Variants in ATP8B4 observed in about 807,000 individuals in gnomAD.
ATP8B4 encodes the protein probable phospholipid-transporting ATPase IM.
ATP8B4 carries 133 observed loss-of-function variants against 145.6 expected under a neutral mutation model. The observed-to-expected ratio is 0.91, with a 90% CI of 0.79 to 1.05. ATP8B4 has a LOEUF of 1.05. Ranked by LOEUF, ATP8B4 falls within the 50% of genes least tolerant of loss-of-function variation. The pLI is 0.00. For missense variants in ATP8B4, 1,458 were observed against 1,425.2 expected (o/e 1.02, Z -0.37); for synonymous variants, 507 against 492.9 (o/e 1.03, Z -0.38).
intron 6 of ATP8B4, among the ~76,000 whole-genome samples, chr15:50,014,386 A>T (rs7182041): frequency 6.6e-6 from 1 of 151,908 alleles, no homozygotes; most frequent in Non-Finnish European, 1.5e-5. Flanking sequence ...GCAGGCACTC[A>T]GTAAGTATGC....
chr15:49,878,333 G>A (rs1303795830), intron 24 of ATP8B4, among the ~76,000 whole-genome samples: 3 of 152,066 alleles, frequency 2.0e-5, no homozygotes, highest in Admixed American at 1.3e-4. Flanking sequence ...TATGCCTTTC[G>A]CAAACTGCCC....
chr15:50,012,288 A>G (rs1216031284), intron 6 of ATP8B4, among the ~76,000 whole-genome samples: 1 of 152,204 alleles, frequency 6.6e-6, no homozygotes, highest in Non-Finnish European at 1.5e-5. Context: ...AAAAATGGGC[A>G]TGAGTGGACA....
chr15:49,927,468 C>G (rs1444111422), intron 16 of ATP8B4, among the ~76,000 whole-genome samples: 1 of 151,958 alleles, frequency 6.6e-6, no homozygotes, highest in African/African-American at 2.4e-5. Context: ...ACTTTTCTGC[C>G]CTGGTAGAGT....
intron 3 of ATP8B4, among the ~76,000 whole-genome samples, chr15:50,066,841 T>C (rs774770155): frequency 6.4e-4 from 97 of 152,046 alleles, no homozygotes; most frequent in Non-Finnish European, 1.3e-4. Context: ...TCAACTTTCT[T>C]AAAAAATTAA....
At chr15:49,986,493 C>T (rs1209710102) in intron 10 of ATP8B4, among the ~76,000 whole-genome samples, 1 of 152,174 alleles carries the variant, frequency 6.6e-6, no homozygotes, top group Non-Finnish European at 1.5e-5. Flanking sequence ...ATGCCCCAAG[C>T]GGCAAGAGCA....
intron 14 of ATP8B4, among the ~76,000 whole-genome samples, chr15:49,952,524 T>C (rs1435672621): frequency 1.3e-5 from 2 of 152,212 alleles, no homozygotes. Context: ...GAACTTCTCA[T>C]ACTGTGTTTT....
intron 6 of ATP8B4, among the ~76,000 whole-genome samples, chr15:50,016,406 A>G (rs1006784214): frequency 2.6e-5 from 4 of 152,236 alleles, no homozygotes; most frequent in African/African-American, 9.6e-5. Flanking sequence ...TGGAGAAAAC[A>G]GAGCTATTGG....
At chr15:50,063,414 C>A (rs1261051595) in intron 3 of ATP8B4, among the ~76,000 whole-genome samples, 4 of 151,598 alleles carry the variant, frequency 2.6e-5, no homozygotes, top group Non-Finnish European at 2.9e-5. Context: ...TTTCATTGGC[C>A]CATTTGTTTA....
chr15:50,161,811 G>A (rs1324185103), intron 1 of ATP8B4, among the ~76,000 whole-genome samples: 1 of 150,596 alleles, frequency 6.6e-6, no homozygotes, highest in Non-Finnish European at 1.5e-5. Context: ...TTATAGTGTT[G>A]TAATATTCTG....
At chr15:49,879,567 T>G in intron 23 of ATP8B4, 108 bp from the exon 24 acceptor site, 1 of 897,394 alleles carries the variant, frequency 1.1e-6, no homozygotes, top group African/African-American at 1.7e-5. Context: ...AGTTGACTTT[T>G]GGAATCAGAC....
chr15:49,965,063 G>A (rs1047695763), intron 13 of ATP8B4, among the ~76,000 whole-genome samples: 3 of 152,186 alleles, frequency 2.0e-5, no homozygotes, highest in African/African-American at 7.2e-5. Flanking sequence ...CAGTCATTAT[G>A]ATACTGATAT....
chr15:50,149,755 T>TGTA (rs2044323510), intron 1 of ATP8B4, among the ~76,000 whole-genome samples: 1 of 152,146 alleles, frequency 6.6e-6, no homozygotes, highest in African/African-American at 2.4e-5. Flanking sequence ...AAACTATGTG[T>TGTA]GTATTCAGGG....
chr15:50,105,713 T>C (rs1165165259), intron 2 of ATP8B4, among the ~76,000 whole-genome samples: 1 of 152,314 alleles, frequency 6.6e-6, no homozygotes, highest in East Asian at 1.9e-4. Context: ...TGCTTTCTTA[T>C]TTTTATTTCC....
At chr15:49,972,997 A>C (rs888349228) in intron 12 of ATP8B4, among the ~76,000 whole-genome samples, 2 of 152,186 alleles carry the variant, frequency 1.3e-5, no homozygotes, top group African/African-American at 2.4e-5. Flanking sequence ...CAACACCATA[A>C]AACAATAAGT....
At position 50,088,457 on chromosome 15, in the gene ATP8B4, C is replaced by T. The variant is rs1488243365; in HGVS notation, c.29-14272G>A. The stretch of plus-strand genomic sequence containing the variant: ...TCAGTGGCCTCTTGTTCCTTGACCA[C>T]ACCAGGTCCATTCTCATCTCATGGC... On this transcript the variant is annotated intron_variant, in intron 2 of 27. Coordinates refer to ENST00000284509, the MANE Select transcript of ATP8B4 (RefSeq NM_024837.4). Among the ~76,000 whole-genome samples the T allele has an allele frequency of 3.3e-5, 5 of 152,174 alleles. No homozygotes were observed. In the East Asian group the frequency reaches 9.6e-4, roughly 29 times the overall value.
chr15:50,140,215 T>C (rs1205119763), intron 1 of ATP8B4, among the ~76,000 whole-genome samples: 7 of 152,124 alleles, frequency 4.6e-5, no homozygotes, highest in African/African-American at 1.7e-4. Context: ...ATAAGAAAGA[T>C]GAGTACATTG....
At chr15:50,046,595 T>TATTAATCTAATCC (rs764177958) in intron 4 of ATP8B4, among the ~76,000 whole-genome samples, 2 of 152,252 alleles carry the variant, frequency 1.3e-5, no homozygotes, top group Non-Finnish European at 2.9e-5. Flanking sequence ...TACTCAAATC[T>TATTAATCTAATCC]ATTAATCTAA....
intron 2 of ATP8B4, among the ~76,000 whole-genome samples, chr15:50,096,035 T>C (rs2055961817): frequency 6.6e-6 from 1 of 152,106 alleles, no homozygotes; most frequent in Admixed American, 6.5e-5. Context: ...ACACCATAGT[T>C]TTAAAAGTTA....
At chr15:49,923,243 C>T in intron 17 of ATP8B4, 136 bp downstream of exon 17, 2 of 687,448 alleles carry the variant, frequency 2.9e-6, no homozygotes, top group South Asian at 3.6e-5. Context: ...ATTGGCACAG[C>T]TTCCTGTGGA....
Sources: gnomAD v4.1 joint callset for allele counts (sites outside exome capture counted in the v4.1 genomes callset) on GRCh38, gnomAD v4.1.1 for gene constraint, MANE v1.5 for transcripts, NCBI Gene and HGNC (gene_info 2026-07-23, HGNC 2026-07-21) for gene names.